ADCK2: variants seen among roughly 807,000 people sequenced by gnomAD.
ADCK2 encodes the protein uncharacterized aarF domain-containing protein kinase 2.
ADCK2 carries 37 observed loss-of-function variants against 52.3 expected under a neutral mutation model. The ratio of observed to expected loss-of-function variants is 0.71; its 90% CI spans 0.54 to 0.93. The LOEUF (loss-of-function observed/expected upper bound fraction) is 0.93, where lower values mean the gene tolerates loss of function less well. Among genes scored for constraint, ADCK2 ranks in the 40% least tolerant of loss-of-function variants. The pLI is 0.00. For missense variants in ADCK2, 695 were observed against 798.7 expected (o/e 0.87, Z 1.56); for synonymous variants, 321 against 349.2 (o/e 0.92, Z 0.90).
intron 4 of ADCK2, among the ~76,000 whole-genome samples, chr7:140,684,608 C>T (rs1348612768): frequency 2.6e-5 from 4 of 152,150 alleles, no homozygotes; most frequent in African/African-American, 7.2e-5. Flanking sequence ...GAGAATGAAT[C>T]GAGGAGTCAG....
intron 2 of ADCK2, among the ~76,000 whole-genome samples, chr7:140,676,274 C>T (rs1182547154): frequency 6.6e-6 from 1 of 152,156 alleles, no homozygotes; most frequent in Non-Finnish European, 1.5e-5. Context: ...TTCATTCATG[C>T]AGGCTCTGCT....
At chr7:140,681,884 G>A (rs141008462) in intron 4 of ADCK2, among the ~76,000 whole-genome samples, 1 of 152,310 alleles carries the variant, frequency 6.6e-6, no homozygotes, top group East Asian at 1.9e-4. Context: ...GCCTCCCAAA[G>A]TGTTGGGATT....
intron 7 of ADCK2, among the ~76,000 whole-genome samples, chr7:140,692,668 G>A (rs1454920709): frequency 6.6e-6 from 1 of 152,236 alleles, no homozygotes; most frequent in Non-Finnish European, 1.5e-5. Context: ...CTGTTATTCT[G>A]TTGATGCTGT....
chr7:140,689,612 G>A lies in ADCK2; in HGVS notation c.1573G>A (p.Glu525Lys), dbSNP rs1364547240. 2 of 1,607,048 alleles carry A rather than the reference G, an allele frequency of 1.2e-6. No individual in the cohort carries two copies. Among genetic ancestry groups the A allele is most frequent in the African/African-American group, 2.7e-5 (2 of 74,626 alleles). ...CATTTTCCAGGGCCAGAGAGTGGCT[G>A]AGCTGATCCTGCATCATGCCCGGGC... is the stretch of plus-strand genomic sequence containing the variant. Reference protein sequence around the residue: ...VVMGQGQRVAELILHHARASE... With the variant: ...VVMGQGQRVAKLILHHARASE... The change falls in exon 6 of 8, where the codon GAG becomes AAG. Residue 525 changes from glutamate to lysine, a missense_variant. Physicochemically the swap from Glu to Lys is moderately conservative, Grantham distance 56. Transcript: ENST00000072869.
chr7:140,688,437 G>A (rs1794646448), intron 5 of ADCK2, among the ~76,000 whole-genome samples: 1 of 152,230 alleles, frequency 6.6e-6, no homozygotes, highest in South Asian at 2.1e-4. Context: ...CGAGTGGAGG[G>A]AGGCAGGAGG....
In ADCK2 at chr7:140,681,093, A is replaced by C. The variant is rs1585846655; in HGVS notation, c.1261A>C (p.Lys421Gln). 6.2e-7 allele frequency: 1 copy of C among 1,614,094 alleles called. No individual in the cohort carries two copies. The highest frequency in any genetic ancestry group is 2.2e-5 in the East Asian group (1 of 44,874). Residue 421 changes from lysine to glutamine, a missense_variant, in exon 4 of 8, where the codon AAA becomes CAA. By Grantham distance (53) the Lys-to-Gln change is moderately conservative. Transcript: ENST00000072869. ...GCAGGCAGGAATTCCCGTGGACTTG[A>C]AAAGGAAGATTGCACGGCTGGGGAT... ...YQQAGIPVDLKRKIARLGINM... is the reference protein window; with the variant it reads ...YQQAGIPVDLQRKIARLGINM...
rs1801656357 is a variant in ADCK2, at chr7:140,673,064, C to T, written c.-267C>T. 1 of 219,782 alleles carries T rather than the reference C, an allele frequency of 4.5e-6. No individual in the cohort carries two copies. The highest frequency in any genetic ancestry group is 1.1e-4 in the East Asian group (1 of 9,498). 13.6% of individuals were successfully genotyped at this position (219,782 alleles called of 1,614,324 possible). On this transcript the variant is annotated 5_prime_UTR_variant, in exon 1 of 8. Coordinates refer to ENST00000072869, the MANE Select transcript of ADCK2 (RefSeq NM_052853.4). The surrounding 1 kb of genome is among the most constrained non-coding windows in gnomAD (Gnocchi z 6.4). ...CGCGGGCGCCCGGGGCCTGGCTTCG[C>T]GTGGGTCCTGGCTCCTCCCGTTCCG... is the stretch of plus-strand genomic sequence containing the variant.
rs2130791025 is a variant in ADCK2 at position 140,689,534 on chromosome 7, T to C, written c.1558-63T>C. 2.0e-6 allele frequency: 3 copies of C among 1,514,548 alleles called. No homozygotes were observed. The South Asian group carries it at 3.9e-5, about 20-fold the overall frequency. 93.8% of individuals were successfully genotyped at this position (1,514,548 alleles called of 1,614,324 possible). On this transcript the variant is annotated intron_variant, in intron 5 of 7. Transcript: ENST00000072869. The stretch of plus-strand genomic sequence containing the variant: ...GAGCTGCTGAGATGAGAAAGACGCT[T>C]GGGCACCGCATCCAGGTTTATGCTA...
chr7:140,692,433 T>C (rs774246177), intron 7 of ADCK2, among the ~76,000 whole-genome samples: 1 of 152,216 alleles, frequency 6.6e-6, no homozygotes, highest in Non-Finnish European at 1.5e-5. Context: ...GCTTGGCTCA[T>C]TGCAACCTCT....
intron 4 of ADCK2, 105 bp downstream of exon 4, chr7:140,681,242 C>A: frequency 9.6e-7 from 1 of 1,041,072 alleles, no homozygotes; most frequent in Non-Finnish European, 1.5e-6. Context: ...AGCGAAGCAG[C>A]AAGCCGCCAG....
intron 4 of ADCK2, among the ~76,000 whole-genome samples, chr7:140,681,509 A>G (rs1196266520): frequency 6.6e-6 from 1 of 150,954 alleles, no homozygotes; most frequent in Admixed American, 6.6e-5. Context: ...TTAAGTAGAG[A>G]TGGGGTTTCA....
intron 2 of ADCK2, among the ~76,000 whole-genome samples, chr7:140,677,837 A>G (rs1286435383): frequency 6.6e-6 from 1 of 152,132 alleles, no homozygotes; most frequent in East Asian, 1.9e-4. Flanking sequence ...AGTTGGACCA[A>G]GTGGGGGAAT....
In ADCK2 at chr7:140,673,342, C is replaced by A; in HGVS notation, c.12C>A (p.Pro4=). 6.9e-7 allele frequency: 1 copy of A among 1,456,172 alleles called. No homozygotes were observed. The highest frequency in any genetic ancestry group is 2.8e-5 in the Admixed American group (1 of 36,362). 90.2% of individuals were successfully genotyped at this position (1,456,172 alleles called of 1,614,324 possible). The change falls in exon 1 of 8, where the codon CCC becomes CCA. Residue 4 remains proline (P), a synonymous_variant. Transcript: ENST00000072869. This position sits in a 1 kb window ranked among gnomAD's most constrained non-coding sequence, Gnocchi z 6.4. MVA[P]WRVSVRVCLS... ...CGGGCCTCGGGAGGATGGTGGCGCC[C>A]TGGCGCGTCTCCGTCAGGGTTTGCC...
Position 140,673,356 on chromosome 7 carries a change from T to C in ADCK2, c.26T>C (p.Val9Ala), listed in dbSNP as rs1265564435. 5 of 1,477,140 alleles carry C rather than the reference T, an allele frequency of 3.4e-6. No homozygotes were observed. The highest frequency in any genetic ancestry group is 4.5e-6 in the Non-Finnish European group (5 of 1,112,592). The allele number at this position is 1,477,140 out of a possible 1,614,324, so 91.5% of individuals were successfully genotyped here. Residue 9 changes from valine to alanine, a missense_variant, in exon 1 of 8, where the codon GTC becomes GCC. Coordinates refer to ENST00000072869, the MANE Select transcript of ADCK2 (RefSeq NM_052853.4). This position sits in a 1 kb window ranked among gnomAD's most constrained non-coding sequence, Gnocchi z 6.4. MVAPWRVS[V>A]RVCLSHLRCF... ...ATGGTGGCGCCCTGGCGCGTCTCCG[T>C]CAGGGTTTGCCTGTCGCACCTGAGG...
chr7:140,688,676 G>C (rs772207406), intron 5 of ADCK2, among the ~76,000 whole-genome samples: 1 of 152,246 alleles, frequency 6.6e-6, no homozygotes, highest in Non-Finnish European at 1.5e-5. Context: ...CAAGGTGGCA[G>C]GCTGGTGAGA....
chr7:140,689,742 CGGAACA>C lies in ADCK2; in HGVS notation c.1686+20_1686+25del. ...CTGGAGAAGGTGGGCAGGTCACTTG[CGGAACA>C]GGGGCTGGGGAGTCCATACCTGGCC... On this transcript the variant is annotated intron_variant, in intron 6 of 7. Coordinates refer to ENST00000072869, the MANE Select transcript of ADCK2 (RefSeq NM_052853.4). The C allele has an allele frequency of 6.2e-7, 1 of 1,603,548 alleles. No homozygotes were observed. The highest frequency in any genetic ancestry group is 8.5e-7 in the Non-Finnish European group (1 of 1,174,000).
chr7:140,683,376 A>C (rs921076326), intron 4 of ADCK2, among the ~76,000 whole-genome samples: 1 of 152,128 alleles, frequency 6.6e-6, no homozygotes, highest in Non-Finnish European at 1.5e-5. Context: ...CACTGTGTGG[A>C]GTTGGAGTGG....
At chr7:140,683,318 T>C (rs757668119) in intron 4 of ADCK2, among the ~76,000 whole-genome samples, 88 of 152,086 alleles carry the variant, frequency 5.8e-4, no homozygotes, top group Non-Finnish European at 9.3e-4. Context: ...TAAAGAGACA[T>C]AGGAGGTTTT....
rs1801658892 is a variant in ADCK2, at chr7:140,673,142, G to A, written c.-189G>A. ...CGCGCGGCGCGGCGCGGCGCGGCGG[G>A]TGTCGGGCGGGGCGCGGGCCTCCGG... On this transcript the variant is annotated 5_prime_UTR_variant, in exon 1 of 8. In the 5' UTR this introduces an upstream ATG that the reference lacks. Transcript: ENST00000072869. The surrounding 1 kb of genome is among the most constrained non-coding windows in gnomAD (Gnocchi z 6.4). 2 of 316,406 alleles carry A rather than the reference G, an allele frequency of 6.3e-6. No individual in the cohort carries two copies. Among genetic ancestry groups the A allele is most frequent in the East Asian group, 4.4e-5 (1 of 22,578 alleles). 19.6% of individuals were successfully genotyped at this position (316,406 alleles called of 1,614,324 possible). A position where few individuals can be genotyped will look rare whatever the true frequency, so the allele number is the denominator to read the frequency against.
Sources: allele counts gnomAD v4.1 joint callset (sites outside exome capture counted in the v4.1 genomes callset), GRCh38; gene constraint gnomAD v4.1.1; non-coding constraint Gnocchi (gnomAD v3.1); transcripts MANE v1.5; gene names NCBI Gene and HGNC (gene_info 2026-07-23, HGNC 2026-07-21).